The following CEBPZOS variants were observed in gnomAD, a reference collection of about 807,000 sequenced individuals.
CEBPZOS encodes CEBPZ opposite strand.
CEBPZOS carries 10 observed loss-of-function variants against 4.8 expected under a neutral mutation model. The observed-to-expected ratio is 2.07, with a 90% CI of 1.28 to 3.52. The LOEUF (loss-of-function observed/expected upper bound fraction) is 3.52, where lower values mean the gene tolerates loss of function less well. CEBPZOS is among the 30% of genes most tolerant of loss of function. The pLI is 0.00. For missense variants in CEBPZOS, 98 were observed against 43.6 expected (o/e 2.25, Z -3.51); for synonymous variants, 25 against 14.2 (o/e 1.77, Z -1.72).
downstream of CEBPZOS, chr2:37,214,070 T>A (rs537942285): frequency 7.8e-6 from 4 of 512,134 alleles, no homozygotes; most frequent in East Asian, 3.5e-5. Flanking sequence ...AAATCTTAAG[T>A]ATACTCAATT....
chr2:37,202,180 A>G lies in CEBPZOS; in HGVS notation c.*320A>G. ...TACTGGTGAAATAAAAACCAGTAAC[A>G]ATCAATATGTAAAAACGGCCCACTT... On this transcript the variant is annotated 3_prime_UTR_variant, in exon 5 of 5. Transcript: ENST00000402297. 1 of 257,508 alleles carries G rather than the reference A, an allele frequency of 3.9e-6. No homozygotes were observed. The highest frequency in any genetic ancestry group is 7.2e-6 in the Non-Finnish European group (1 of 138,116). 16.0% of individuals were successfully genotyped at this position (257,508 alleles called of 1,614,324 possible). A position where few individuals can be genotyped will look rare whatever the true frequency, so the allele number is the denominator to read the frequency against.
chr2:37,215,668 C>T (rs1677850094), downstream of CEBPZOS: 1 of 153,776 alleles, frequency 6.5e-6, no homozygotes, highest in African/African-American at 2.4e-5. Context: ...ACAACAGACT[C>T]AGATCCAGAA....
At chr2:37,212,253 T>C in intron 4 of CEBPZOS, 2 of 1,247,662 alleles carry the variant, frequency 1.6e-6, no homozygotes, top group Non-Finnish European at 2.3e-6. Context: ...CTTTATCATA[T>C]AGTTCTGTGG....
chr2:37,202,670 AAAAAAAAAAAAAAAAAAAAAAAG>A lies in CEBPZOS; in HGVS notation c.*813_*835del. ...AAAAAAAAAAAAAAAAAAAAAAAAA[AAAAAAAAAAAAAAAAAAAAAAAG>A]AATAAATAAAATAACGAAAATTTCC... On this transcript the variant is annotated 3_prime_UTR_variant, in exon 5 of 5. Coordinates refer to ENST00000402297, the MANE Select transcript of CEBPZOS (RefSeq NM_001322374.2). 14 of 145,846 alleles carry A rather than the reference AAAAAAAAAAAAAAAAAAAAAAAG, an allele frequency of 9.6e-5. No homozygotes were observed. The highest frequency in any genetic ancestry group is 4.7e-4 in the South Asian group (2 of 4,256). 9.0% of individuals were successfully genotyped at this position (145,846 alleles called of 1,614,324 possible). A position where few individuals can be genotyped will look rare whatever the true frequency, so the allele number is the denominator to read the frequency against.
At chr2:37,214,939 C>G, downstream of CEBPZOS, 1 of 1,607,078 alleles carries the variant, frequency 6.2e-7, no homozygotes, top group Non-Finnish European at 8.5e-7. Context: ...TTGCAAGGAA[C>G]TCCTTACTGT....
At chr2:37,214,565 A>G (rs1470288308), downstream of CEBPZOS, among the ~76,000 whole-genome samples, 1 of 152,204 alleles carries the variant, frequency 6.6e-6, no homozygotes, top group African/African-American at 2.4e-5. Context: ...AGCATAAAAC[A>G]AAATTTATAT....
rs71437572 is a variant in CEBPZOS, at chr2:37,199,690, G to A, written c.-1-14G>A. 3 of 715,500 alleles carry A rather than the reference G, an allele frequency of 4.2e-6. No individual in the cohort carries two copies. The highest frequency in any genetic ancestry group is 7.8e-6 in the Non-Finnish European group (3 of 384,248). 44.3% of individuals were successfully genotyped at this position (715,500 alleles called of 1,614,324 possible). A position where few individuals can be genotyped will look rare whatever the true frequency, so the allele number is the denominator to read the frequency against. ...TGTTCATTCAGGTTTACACATATCT[G>A]TTGTTAAATTTAGGATGGCCCGTAC... On this transcript the variant is annotated splice_polypyrimidine_tract_variant and intron_variant, in intron 1 of 4. Transcript: ENST00000402297.
At chr2:37,214,006 A>G (rs1170030086), downstream of CEBPZOS, 1 of 1,078,660 alleles carries the variant, frequency 9.3e-7, no homozygotes. Context: ...TTAAAGGTCT[A>G]ATCTTACTAT....
rs765808374 is a variant in CEBPZOS, at chr2:37,201,077, C to T, written c.145C>T (p.Pro49Ser). ...CAGGCAAACAATGAGCAAGAAATAT[C>T]CCTTCATCTTGGAAGGTATGTTTTT... ...DFRQTMSKKY[P>S]FILEVYYKST... The change falls in exon 3 of 5, where the codon CCC (proline) becomes TCC (serine). Residue 49 changes from proline (P) to serine (S), a missense_variant. Physicochemically the swap from Pro to Ser is moderately conservative, Grantham distance 74. Coordinates refer to ENST00000402297, the MANE Select transcript of CEBPZOS (RefSeq NM_001322374.2). 6.4e-5 allele frequency: 46 copies of T among 716,186 alleles called. No homozygotes were observed. The South Asian group carries it at 6.9e-4, about 11-fold the overall frequency. The allele number at this position is 716,186 out of a possible 1,614,324, so 44.4% of individuals were successfully genotyped here. A position where few individuals can be genotyped will look rare whatever the true frequency, so the allele number is the denominator to read the frequency against.
downstream of CEBPZOS, chr2:37,216,101 T>A (rs1158669453): frequency 7.0e-7 from 1 of 1,426,354 alleles, no homozygotes. Context: ...TTGTCTTATA[T>A]TGTCTTTTCA....
Position 37,203,300 on chromosome 2 carries a change from A to G in CEBPZOS, c.*1440A>G. 4.9e-6 allele frequency: 1 copy of G among 205,586 alleles called. No homozygotes were observed. The highest frequency in any genetic ancestry group is 1.1e-4 in the East Asian group (1 of 9,408). 12.7% of individuals were successfully genotyped at this position (205,586 alleles called of 1,614,324 possible). ...CCATAAGGGAAATAACATAGTATCA[A>G]GCAATAGTAAAATTATCAGTTTGAC... On this transcript the variant is annotated 3_prime_UTR_variant, in exon 5 of 5. Coordinates refer to ENST00000402297, the MANE Select transcript of CEBPZOS (RefSeq NM_001322374.2).
At chr2:37,209,336 A>C (rs1358065280), downstream of CEBPZOS, 2 of 152,248 alleles carry the variant, frequency 1.3e-5, no homozygotes, top group African/African-American at 4.8e-5. Context: ...TGCATAGCCA[A>C]GCAAGACTAA....
chr2:37,200,726 G>C (rs1677181722), intron 2 of CEBPZOS, among the ~76,000 whole-genome samples: 1 of 152,110 alleles, frequency 6.6e-6, no homozygotes, highest in Admixed American at 6.5e-5. Flanking sequence ...GGGAGGTTGA[G>C]GTAGGAGGCT....
chr2:37,205,593 A>G (rs1277225568), downstream of CEBPZOS, among the ~76,000 whole-genome samples: 3 of 152,218 alleles, frequency 2.0e-5, no homozygotes, highest in Non-Finnish European at 2.9e-5. Flanking sequence ...CTTGTTGCTC[A>G]TGCAAAGCCT....
At chr2:37,198,565 GCA>G (rs1677061063) in intron 1 of CEBPZOS, 1 of 152,116 alleles carries the variant, frequency 6.6e-6, no homozygotes, top group Non-Finnish European at 1.5e-5. Flanking sequence ...GAACAAAAGA[GCA>G]CACACAGGAC....
rs1425576505 is a variant in CEBPZOS, at chr2:37,201,712, C to T, written c.231C>T (p.Asn77=). 1.1e-5 allele frequency: 12 copies of T among 1,104,044 alleles called. No homozygotes were observed. The highest frequency in any genetic ancestry group is 1.5e-5 in the Non-Finnish European group (11 of 737,668). 68.4% of individuals were successfully genotyped at this position (1,104,044 alleles called of 1,614,324 possible). A position where few individuals can be genotyped will look rare whatever the true frequency, so the allele number is the denominator to read the frequency against. The change falls in exon 4 of 5, where the codon AAC becomes AAT. Residue 77 remains asparagine (N), a synonymous_variant. Coordinates refer to ENST00000402297, the MANE Select transcript of CEBPZOS (RefSeq NM_001322374.2). ...IRELDQKTWL[N]SKN ...AGCTAGATCAAAAAACATGGTTGAA[C>T]AGCAAAAATTAGATGTAAGTAGAAT...
chr2:37,216,026 A>T, downstream of CEBPZOS: 1 of 715,766 alleles, frequency 1.4e-6, no homozygotes, highest in Non-Finnish European at 2.2e-6. Flanking sequence ...AAGATGGATA[A>T]TGTCTTTGAT....
chr2:37,216,183 C>A, downstream of CEBPZOS: 2 of 1,613,260 alleles, frequency 1.2e-6, no homozygotes, highest in Non-Finnish European at 8.5e-7. Context: ...TTCTTTTCGG[C>A]TGCATCACAA....
rs1384950674 is a variant in CEBPZOS, at chr2:37,202,304, A to T, written c.*444A>T. On this transcript the variant is annotated 3_prime_UTR_variant, in exon 5 of 5. Coordinates refer to ENST00000402297, the MANE Select transcript of CEBPZOS (RefSeq NM_001322374.2). ...TTACATGTTCTCCTGAGAGAAGAAA[A>T]AGCCATTCCTTTCAGGTTGTAAAGT... is the stretch of plus-strand genomic sequence containing the variant. 1 of 161,004 alleles carries T rather than the reference A, an allele frequency of 6.2e-6. No homozygotes were observed. Among genetic ancestry groups the T allele is most frequent in the Non-Finnish European group, 1.3e-5 (1 of 74,356 alleles). The allele number at this position is 161,004 out of a possible 1,614,324, so 10.0% of individuals were successfully genotyped here.
Sources: allele counts gnomAD v4.1 joint callset (sites outside exome capture counted in the v4.1 genomes callset), GRCh38; gene constraint gnomAD v4.1.1; transcripts MANE v1.5; gene names NCBI Gene and HGNC (gene_info 2026-07-23, HGNC 2026-07-21).